The following GPC6 variants were observed in gnomAD, a reference collection of about 807,000 sequenced individuals.
GPC6 encodes glypican-6.
Under a neutral mutation model 55.2 loss-of-function variants are expected in GPC6, and 14 were observed. The observed-to-expected ratio is 0.25, with a 90% CI of 0.17 to 0.40. The LOEUF (loss-of-function observed/expected upper bound fraction) is 0.40. Ranked by LOEUF, GPC6 falls within the 10% of genes least tolerant of loss-of-function variation. The pLI, the probability that GPC6 is intolerant of heterozygous loss-of-function variation, is 1.00. For synonymous variants in GPC6, 278 were observed against 259.6 expected (o/e 1.07, Z -0.68); for missense variants, 641 against 708.5 (o/e 0.90, Z 1.08).
At chr13:93,731,722 C>G (rs141378662) in intron 2 of GPC6, among the ~76,000 whole-genome samples, 1 of 151,844 alleles carries the variant, frequency 6.6e-6, no homozygotes, top group South Asian at 2.1e-4. Context: ...TGGATGTGAG[C>G]GTGAATTGTA....
chr13:93,455,591 G>A (rs926873007), intron 1 of GPC6, among the ~76,000 whole-genome samples: 5 of 152,054 alleles, frequency 3.3e-5, no homozygotes, highest in Non-Finnish European at 7.4e-5. Flanking sequence ...AGCCAGGAAA[G>A]AAAACCCAAG....
intron 3 of GPC6, among the ~76,000 whole-genome samples, chr13:94,014,899 G>C (rs929591621): frequency 6.6e-6 from 1 of 152,158 alleles, no homozygotes; most frequent in Non-Finnish European, 1.5e-5. Flanking sequence ...ATAATATTTT[G>C]CTGTACAGAT....
intron 1 of GPC6, among the ~76,000 whole-genome samples, chr13:93,458,878 C>T (rs1159163150): frequency 6.6e-6 from 1 of 152,188 alleles, no homozygotes; most frequent in Non-Finnish European, 1.5e-5. Context: ...TGATTTGAAA[C>T]TTGTCCTTAC....
intron 2 of GPC6, among the ~76,000 whole-genome samples, chr13:93,793,550 A>C (rs367722246): frequency 1.3e-5 from 2 of 152,236 alleles, no homozygotes; most frequent in East Asian, 3.9e-4. Context: ...TGTGCACTAC[A>C]TTGTGCTGAG....
At chr13:94,345,820 G>A (rs973539647) in intron 6 of GPC6, among the ~76,000 whole-genome samples, 2 of 152,220 alleles carry the variant, frequency 1.3e-5, no homozygotes, top group Non-Finnish European at 2.9e-5. Context: ...CACAAACGGA[G>A]TGGCTTAATA....
At chr13:94,074,310 T>C (rs1262456723) in intron 4 of GPC6, among the ~76,000 whole-genome samples, 3 of 152,212 alleles carry the variant, frequency 2.0e-5, no homozygotes, top group Non-Finnish European at 4.4e-5. Flanking sequence ...AGAGCATATG[T>C]GGTGTAAAAT....
At chr13:93,422,205 CT>C (rs146724271) in intron 1 of GPC6, among the ~76,000 whole-genome samples, 3,034 of 152,172 alleles carry the variant, frequency 0.02, 112 homozygotes, top group African/African-American at 0.069. Context: ...AGGTGTTTTT[CT>C]TCAAATGGAA....
intron 1 of GPC6, among the ~76,000 whole-genome samples, chr13:93,407,636 A>C (rs1876343759): frequency 1.3e-5 from 2 of 152,180 alleles, no homozygotes; most frequent in Admixed American, 6.6e-5. Context: ...GAAAACTGTA[A>C]TATGTCATAA....
chr13:94,116,520 T>C (rs1435567255), intron 4 of GPC6, among the ~76,000 whole-genome samples: 1 of 152,130 alleles, frequency 6.6e-6, no homozygotes, highest in Non-Finnish European at 1.5e-5. Context: ...TTATGGTTAA[T>C]AAATATGACC....
At chr13:93,351,701 T>C (rs188758797) in intron 1 of GPC6, among the ~76,000 whole-genome samples, 20 of 152,302 alleles carry the variant, frequency 1.3e-4, no homozygotes, top group Admixed American at 7.2e-4. Context: ...AAGTACTCCA[T>C]AATTTGTACA....
At chr13:93,970,703 T>C (rs577527615) in intron 3 of GPC6, among the ~76,000 whole-genome samples, 74 of 152,320 alleles carry the variant, frequency 4.9e-4, no homozygotes, top group African/African-American at 1.6e-3. Context: ...TAAATGTAGC[T>C]TTCTGCCTTG....
intron 3 of GPC6, among the ~76,000 whole-genome samples, chr13:93,986,983 G>A (rs754609197): frequency 6.6e-6 from 1 of 152,104 alleles, no homozygotes; most frequent in Non-Finnish European, 1.5e-5. Flanking sequence ...AATTTATCCA[G>A]TTCCATGTTG....
At chr13:93,939,425 A>AATG (rs1555343165) in intron 3 of GPC6, among the ~76,000 whole-genome samples, 4 of 149,682 alleles carry the variant, frequency 2.7e-5, no homozygotes, top group Admixed American at 2.7e-4. Context: ...CTCAAATAAT[A>AATG]ATAATAATAA....
intron 3 of GPC6, among the ~76,000 whole-genome samples, chr13:93,847,347 C>T (rs956963836): frequency 4.6e-5 from 7 of 151,976 alleles, no homozygotes; most frequent in Admixed American, 2.0e-4. Context: ...GAGAAGGGGC[C>T]GTCTGAGATG....
intron 4 of GPC6, among the ~76,000 whole-genome samples, chr13:94,281,342 TC>T (rs1431826824): frequency 6.6e-6 from 1 of 152,110 alleles, no homozygotes; most frequent in East Asian, 1.9e-4. Context: ...ATGCTCTCCC[TC>T]CCCTTCCCTC....
At chr13:93,854,869 C>A (rs548700304) in intron 3 of GPC6, among the ~76,000 whole-genome samples, 163 of 149,606 alleles carry the variant, frequency 1.1e-3, no homozygotes, top group Non-Finnish European at 1.4e-3. Flanking sequence ...AATAGACATT[C>A]TTTTTCAGAG....
intron 3 of GPC6, among the ~76,000 whole-genome samples, chr13:93,964,364 C>T (rs368704776): frequency 3.3e-5 from 5 of 152,038 alleles, no homozygotes; most frequent in African/African-American, 9.6e-5. Context: ...AAAAAAAGGC[C>T]GTAAAAGGAG....
intron 4 of GPC6, among the ~76,000 whole-genome samples, chr13:94,036,438 C>T (rs1341144955): frequency 6.6e-6 from 1 of 151,966 alleles, no homozygotes; most frequent in Non-Finnish European, 1.5e-5. Flanking sequence ...GAATATATGG[C>T]ATTACCCCAA....
chr13:93,865,987 A>G (rs1888954400), intron 3 of GPC6, among the ~76,000 whole-genome samples: 1 of 151,664 alleles, frequency 6.6e-6, no homozygotes, highest in African/African-American at 2.4e-5. Context: ...TGCCATGCAG[A>G]AATAGAGGGC....
Sources: gnomAD v4.1 joint callset for allele counts (sites outside exome capture counted in the v4.1 genomes callset) on GRCh38, gnomAD v4.1.1 for gene constraint, MANE v1.5 for transcripts, NCBI Gene and HGNC (gene_info 2026-07-23, HGNC 2026-07-21) for gene names.